Variants in WARS2 observed in about 807,000 individuals in gnomAD.
WARS2 encodes the protein tryptophan--tRNA ligase, mitochondrial.
WARS2 carries 28 observed loss-of-function variants against 36.5 expected under a neutral mutation model. The ratio of observed to expected loss-of-function variants is 0.77; its 90% CI spans 0.57 to 1.05. The LOEUF is 1.05. Among genes scored for constraint, WARS2 ranks in the 50% least tolerant of loss-of-function variants. The probability of loss-of-function intolerance (pLI) is 0.00; values close to 1 mark genes in which losing one functional copy is unlikely to be tolerated. For missense variants in WARS2, 435 were observed against 456.8 expected (o/e 0.95, Z 0.44); for synonymous variants, 174 against 178.4 (o/e 0.98, Z 0.20).
intron 1 of WARS2, among the ~76,000 whole-genome samples, chr1:119,116,384 A>T (rs911927871): frequency 9.2e-5 from 14 of 152,224 alleles, no homozygotes; most frequent in Non-Finnish European, 1.3e-4. Flanking sequence ...AAGAGACAGG[A>T]CTAATGTGCA....
rs1397485204 is a variant in WARS2, at chr1:119,031,368, A to C, written c.*1543T>G. The C allele has an allele frequency of 6.6e-6, 1 of 152,242 alleles. No homozygotes were observed. The highest frequency in any genetic ancestry group is 1.9e-4 in the East Asian group (1 of 5,200). The allele number at this position is 152,242 out of a possible 1,614,324, so 9.4% of individuals were successfully genotyped here. The stretch of plus-strand genomic sequence containing the variant: ...ACATCCCATTCCAGTATAAGATACA[A>C]AAGGCAAAATGTTTCCTTTACCCAT... On this transcript the variant is annotated 3_prime_UTR_variant, in exon 6 of 6. Transcript: ENST00000235521.
At chr1:119,078,551 A>G (rs894635874) in intron 1 of WARS2, among the ~76,000 whole-genome samples, 3 of 152,238 alleles carry the variant, frequency 2.0e-5, no homozygotes, top group African/African-American at 4.8e-5. Flanking sequence ...GTAGAATCTC[A>G]TTATGGTTTA....
At chr1:119,034,249 G>C (rs766771836) in intron 4 of WARS2, 36 bp from the exon 5 acceptor site, 23 of 1,546,430 alleles carry the variant, frequency 1.5e-5, no homozygotes, top group Middle Eastern at 1.7e-4. Flanking sequence ...CAACAGCAAG[G>C]CTCTTTCTTA....
chr1:119,133,536 C>A (rs774507501), intron 1 of WARS2, among the ~76,000 whole-genome samples: 4 of 152,188 alleles, frequency 2.6e-5, no homozygotes, highest in Non-Finnish European at 5.9e-5. Flanking sequence ...ACATCGTCAT[C>A]TATAAAATAG....
At chr1:119,136,507 C>T (rs879134208) in intron 1 of WARS2, among the ~76,000 whole-genome samples, 5 of 152,160 alleles carry the variant, frequency 3.3e-5, no homozygotes, top group African/African-American at 4.8e-5. Context: ...AGTGGATCCA[C>T]GCAACACCTT....
chr1:119,111,217 TAATCTACTAGGTA>T (rs1654608666), intron 1 of WARS2, among the ~76,000 whole-genome samples: 1 of 152,180 alleles, frequency 6.6e-6, no homozygotes, highest in African/African-American at 2.4e-5. Context: ...AAGGTGGACA[TAATCTACTAGGTA>T]AAAGGAACTT....
At chr1:119,097,260 G>T (rs1653505155) in intron 1 of WARS2, among the ~76,000 whole-genome samples, 2 of 152,122 alleles carry the variant, frequency 1.3e-5, no homozygotes, top group African/African-American at 4.8e-5. Context: ...AGAAAAAATA[G>T]CCCAATTACC....
chr1:119,101,763 A>G (rs1032118351), intron 1 of WARS2, among the ~76,000 whole-genome samples: 46 of 152,184 alleles, frequency 3.0e-4, no homozygotes, highest in Non-Finnish European at 4.9e-4. Flanking sequence ...TGATGAGGAC[A>G]CAAGAGCAGG....
At chr1:119,127,271 C>T in intron 1 of WARS2, 1 of 730,304 alleles carries the variant, frequency 1.4e-6, no homozygotes, top group East Asian at 3.0e-5. Flanking sequence ...TCATAAGGCG[C>T]TTGTTCTTGC....
intron 1 of WARS2, among the ~76,000 whole-genome samples, chr1:119,130,959 T>A (rs1469594634): frequency 6.6e-6 from 1 of 152,198 alleles, no homozygotes; most frequent in African/African-American, 2.4e-5. Context: ...TGTGGTATGG[T>A]GCATACTAAA....
At chr1:119,107,665 AAAAGAAAGAGAG>A (rs1265412289) in intron 1 of WARS2, among the ~76,000 whole-genome samples, 3 of 92,924 alleles carry the variant, frequency 3.2e-5, no homozygotes, top group African/African-American at 1.4e-4. Flanking sequence ...GAGAAATAGA[AAAAGAAAGAGAG>A]AGAGAGAGAG....
intron 2 of WARS2, among the ~76,000 whole-genome samples, chr1:119,058,780 T>A (rs1650098956): frequency 2.2e-5 from 3 of 135,178 alleles, no homozygotes; most frequent in South Asian, 4.6e-4. Flanking sequence ...CGTGTACATG[T>A]GTCTTTATAG....
chr1:119,117,019 C>A (rs756078474), intron 1 of WARS2, among the ~76,000 whole-genome samples: 1 of 152,142 alleles, frequency 6.6e-6, no homozygotes, highest in Non-Finnish European at 1.5e-5. Context: ...AGCTGGGAGG[C>A]TTTTAGGCTA....
rs1647539626 is a variant in WARS2, at chr1:119,032,851, CG to C, written c.*59del. 6.8e-7 allele frequency: 1 copy of C among 1,466,548 alleles called. No homozygotes were observed. Among genetic ancestry groups the C allele is most frequent in the Non-Finnish European group, 9.2e-7 (1 of 1,082,116 alleles). 90.8% of individuals were successfully genotyped at this position (1,466,548 alleles called of 1,614,324 possible). On this transcript the variant is annotated 3_prime_UTR_variant, in exon 6 of 6. Transcript: ENST00000235521. ...AACTTTTTCTTTTTAGGAAAGCTGCCGTTATCAGAATGCATGGAGTGCAAGG... is the reference window on the plus strand; with the variant it reads ...AACTTTTTCTTTTTAGGAAAGCTGCCTTATCAGAATGCATGGAGTGCAAGG...
intron 2 of WARS2, among the ~76,000 whole-genome samples, chr1:119,073,019 C>T (rs1390672612): frequency 6.6e-6 from 1 of 151,844 alleles, no homozygotes; most frequent in Non-Finnish European, 1.5e-5. Context: ...TGGTAGAATA[C>T]ACCTGTAGTC....
intron 1 of WARS2, among the ~76,000 whole-genome samples, chr1:119,086,886 G>A (rs1287302311): frequency 2.0e-5 from 3 of 152,026 alleles, no homozygotes; most frequent in Non-Finnish European, 4.4e-5. Flanking sequence ...CTTCTGTAGA[G>A]TACTCCTCTC....
Position 119,032,981 on chromosome 1 carries a change from C to T in WARS2, c.1013G>A (p.Gly338Glu), listed in dbSNP as rs1370759242. The T allele has an allele frequency of 2.5e-6, 4 of 1,614,224 alleles. No homozygotes were observed. The African/African-American group carries it at 5.3e-5, about 22-fold the overall frequency. ...TGCTAATTCTTTGGCTTTTGCTGAT[C>T]CAATTTGTAAAACCTTCTCTAAATG... The part of the protein sequence containing the change: ...KDHLEKVLQI[G>E]SAKAKELAYT... The change falls in exon 6 of 6, where the codon GGA becomes GAA. Residue 338 changes from glycine to glutamate, a missense_variant. Gly to Glu is a moderately conservative substitution (Grantham distance 98, BLOSUM62 -2). Coordinates refer to ENST00000235521, the MANE Select transcript of WARS2 (RefSeq NM_015836.4).
intron 1 of WARS2, among the ~76,000 whole-genome samples, chr1:119,109,808 T>C (rs1439241901): frequency 6.6e-6 from 1 of 151,980 alleles, no homozygotes; most frequent in South Asian, 2.1e-4. Context: ...TTTTTTTTGT[T>C]CTTATTTTTG....
intron 4 of WARS2, 136 bp from the exon 5 acceptor site, chr1:119,034,349 GT>G: frequency 1.4e-6 from 1 of 709,178 alleles, no homozygotes; most frequent in Non-Finnish European, 2.4e-6. Context: ...TAGAGGGAAT[GT>G]TTAGACCTAA....
Sources: gnomAD v4.1 joint callset for allele counts (sites outside exome capture counted in the v4.1 genomes callset) on GRCh38, gnomAD v4.1.1 for gene constraint, MANE v1.5 for transcripts, NCBI Gene and HGNC (gene_info 2026-07-23, HGNC 2026-07-21) for gene names.